The following ATRNL1 variants were observed in gnomAD, a reference collection of about 807,000 sequenced individuals.
ATRNL1 encodes the protein attractin like 1, also known as attractin-like protein 1.
In ATRNL1, 95 loss-of-function variants were observed where a neutral mutation model predicts 182.7. That is an observed-to-expected ratio of 0.52 (90% CI 0.44 to 0.62). ATRNL1 has a LOEUF of 0.62. Among genes scored for constraint, ATRNL1 ranks in the 20% least tolerant of loss-of-function variants. ATRNL1 has a pLI of 0.00. For synonymous variants in ATRNL1, 576 were observed against 568.3 expected (o/e 1.01, Z -0.19); for missense variants, 1,471 against 1,679.5 (o/e 0.88, Z 2.17).
At chr10:115,718,044 G>A (rs979387063) in intron 26 of ATRNL1, among the ~76,000 whole-genome samples, 7 of 152,082 alleles carry the variant, frequency 4.6e-5, no homozygotes, top group Admixed American at 6.6e-5. Context: ...ATGATTCTTC[G>A]GGAAGTTTTG....
chr10:115,217,529 A>C (rs1489313098), intron 9 of ATRNL1, among the ~76,000 whole-genome samples: 1 of 152,234 alleles, frequency 6.6e-6, no homozygotes, highest in Non-Finnish European at 1.5e-5. Context: ...AATGGATAAG[A>C]GAGCAGAATT....
Position 115,792,120 on chromosome 10 carries a change from A to T in ATRNL1, c.3904-55757A>T, listed in dbSNP as rs1472295008. On this transcript the variant is annotated intron_variant, in intron 27 of 28. Coordinates refer to ENST00000355044, the MANE Select transcript of ATRNL1 (RefSeq NM_207303.4). ...CTCACTTTGTTTTGATAATGTGCTC[A>T]ATCATTTCATATACAATCAAAATGA... is the stretch of plus-strand genomic sequence containing the variant. 8.5e-5 allele frequency among the ~76,000 whole-genome samples: 13 copies of T among 152,288 alleles called. No homozygotes were observed. In the East Asian group the frequency reaches 2.5e-3, roughly 29 times the overall value.
intron 8 of ATRNL1, among the ~76,000 whole-genome samples, chr10:115,203,315 G>A (rs1472355741): frequency 6.6e-6 from 1 of 152,074 alleles, no homozygotes; most frequent in African/African-American, 2.4e-5. Context: ...TGCCATATAA[G>A]CTGTTGAAGG....
intron 10 of ATRNL1, among the ~76,000 whole-genome samples, chr10:115,257,325 A>C (rs1298425614): frequency 6.6e-6 from 1 of 152,306 alleles, no homozygotes; most frequent in South Asian, 2.1e-4. Flanking sequence ...TATTGGGTGC[A>C]TATATATTTA....
At chr10:115,287,602 T>C (rs1554919435) in intron 15 of ATRNL1, among the ~76,000 whole-genome samples, 1 of 152,116 alleles carries the variant, frequency 6.6e-6, no homozygotes, top group East Asian at 1.9e-4. Flanking sequence ...TGTATGTATT[T>C]ATGGGGTACA....
At chr10:115,244,832 G>T (rs1035429706) in intron 10 of ATRNL1, among the ~76,000 whole-genome samples, 2 of 152,084 alleles carry the variant, frequency 1.3e-5, no homozygotes, top group South Asian at 4.1e-4. Flanking sequence ...ACAACTTATT[G>T]ACTATGTTTT....
chr10:115,797,779 A>G (rs1375129391), intron 27 of ATRNL1, among the ~76,000 whole-genome samples: 2 of 152,192 alleles, frequency 1.3e-5, no homozygotes, highest in Non-Finnish European at 2.9e-5. Context: ...ACATTCAAGC[A>G]AAGATCTGGG....
intron 20 of ATRNL1, among the ~76,000 whole-genome samples, chr10:115,415,093 A>G (rs1726484207): frequency 1.3e-5 from 2 of 152,124 alleles, no homozygotes; most frequent in South Asian, 4.1e-4. Flanking sequence ...ATACATGCAT[A>G]TGTAGTTTTT....
chr10:115,256,520 T>C lies in ATRNL1; in HGVS notation c.1688-8673T>C, dbSNP rs183167553. 2.7e-3 allele frequency among the ~76,000 whole-genome samples: 412 copies of C among 152,302 alleles called. 3 individuals are homozygous for C. Among genetic ancestry groups the C allele is most frequent in the African/African-American group, 9.4e-3 (392 of 41,566 alleles). Reference sequence around the variant, plus strand: ...ATTTTTATTGCATGTATTTGATTCTTCTCTCTTTTCTTCTTTATTAGTCTT... The same window carrying C: ...ATTTTTATTGCATGTATTTGATTCTCCTCTCTTTTCTTCTTTATTAGTCTT... On this transcript the variant is annotated intron_variant, in intron 10 of 28. Transcript: ENST00000355044.
At chr10:115,107,543 G>A (rs1276885922) in intron 1 of ATRNL1, among the ~76,000 whole-genome samples, 1 of 152,174 alleles carries the variant, frequency 6.6e-6, no homozygotes, top group Non-Finnish European at 1.5e-5. Flanking sequence ...GGAGGCTCAT[G>A]CCTGCCGCTC....
At chr10:115,489,248 G>A (rs1374784908) in intron 24 of ATRNL1, among the ~76,000 whole-genome samples, 3 of 152,112 alleles carry the variant, frequency 2.0e-5, no homozygotes, top group African/African-American at 7.2e-5. Context: ...GGTCCACTTG[G>A]TCCAGAGCTG....
chr10:115,825,925 C>G (rs1401102479), intron 27 of ATRNL1, among the ~76,000 whole-genome samples: 3 of 152,094 alleles, frequency 2.0e-5, no homozygotes, highest in Admixed American at 6.5e-5. Context: ...AGCTCAGTGC[C>G]TAGCGCAATG....
At chr10:115,102,994 G>T (rs1843839950) in intron 1 of ATRNL1, among the ~76,000 whole-genome samples, 1 of 146,540 alleles carries the variant, frequency 6.8e-6, no homozygotes, top group Non-Finnish European at 1.5e-5. Context: ...TTTTACAACA[G>T]TTTTTTGTAG....
intron 18 of ATRNL1, among the ~76,000 whole-genome samples, chr10:115,326,554 T>C (rs28784884): frequency 6.6e-6 from 1 of 151,696 alleles, no homozygotes; most frequent in African/African-American, 2.4e-5. Context: ...AGCTACCAAT[T>C]ACTTTCTTCA....
chr10:115,632,473 G>A (rs1858576956), intron 26 of ATRNL1, among the ~76,000 whole-genome samples: 1 of 151,962 alleles, frequency 6.6e-6, no homozygotes, highest in African/African-American at 2.4e-5. Flanking sequence ...GAAAGAGGAT[G>A]GTTCTTTTTA....
intron 17 of ATRNL1, among the ~76,000 whole-genome samples, chr10:115,303,288 A>T (rs1853575412): frequency 6.9e-6 from 1 of 144,772 alleles, no homozygotes; most frequent in South Asian, 2.2e-4. Flanking sequence ...GCAGTGGCCT[A>T]ATTTCAGCTC....
chr10:115,758,829 G>A (rs1253881773), intron 27 of ATRNL1, among the ~76,000 whole-genome samples: 2 of 152,334 alleles, frequency 1.3e-5, no homozygotes, highest in Non-Finnish European at 2.9e-5. Flanking sequence ...GGTAAAACCC[G>A]CCTACTCAAG....
chr10:115,600,600 A>G (rs1856538346), intron 26 of ATRNL1, among the ~76,000 whole-genome samples: 1 of 152,044 alleles, frequency 6.6e-6, no homozygotes, highest in African/African-American at 2.4e-5. Flanking sequence ...TGAGATGTAA[A>G]CGGTTCTTAT....
chr10:115,588,839 C>T (rs1407652586), intron 26 of ATRNL1, among the ~76,000 whole-genome samples: 4 of 152,196 alleles, frequency 2.6e-5, no homozygotes, highest in Non-Finnish European at 4.4e-5. Flanking sequence ...TCAAGAGCTT[C>T]CTATTCTTCC....
Sources: allele counts gnomAD v4.1 joint callset (sites outside exome capture counted in the v4.1 genomes callset), GRCh38; gene constraint gnomAD v4.1.1; transcripts MANE v1.5; gene names NCBI Gene and HGNC (gene_info 2026-07-23, HGNC 2026-07-21).